Variants in CNTN1 observed in about 807,000 individuals in gnomAD.
The protein encoded by CNTN1 is contactin-1.
CNTN1 carries 38 observed loss-of-function variants against 126.4 expected under a neutral mutation model. The observed-to-expected ratio is 0.30, with a 90% CI of 0.23 to 0.39. CNTN1 has a LOEUF of 0.39. CNTN1 is among the 10% of genes least tolerant of loss of function. The probability of loss-of-function intolerance (pLI) is 1.00; values close to 1 mark genes in which losing one functional copy is unlikely to be tolerated. For missense variants in CNTN1, 1,009 were observed against 1,248.4 expected (o/e 0.81, Z 2.89); for synonymous variants, 413 against 422.6 (o/e 0.98, Z 0.28).
intron 1 of CNTN1, among the ~76,000 whole-genome samples, chr12:40,765,548 A>G (rs1939049110): frequency 6.6e-6 from 1 of 152,212 alleles, no homozygotes; most frequent in Non-Finnish European, 1.5e-5. Context: ...TGAGAGGAAA[A>G]TAATAAGTTT....
At chr12:41,050,056 G>A (rs1250258746) in intron 23 of CNTN1, among the ~76,000 whole-genome samples, 2 of 151,840 alleles carry the variant, frequency 1.3e-5, no homozygotes, top group East Asian at 1.9e-4. Context: ...CATGCCACTA[G>A]GCCCAGCTAA....
intron 1 of CNTN1, among the ~76,000 whole-genome samples, chr12:40,868,450 C>A (rs1368546472): frequency 6.6e-6 from 1 of 152,014 alleles, no homozygotes; most frequent in African/African-American, 2.4e-5. Flanking sequence ...TGAATCTGAA[C>A]CCAGAATGCC....
intron 6 of CNTN1, among the ~76,000 whole-genome samples, chr12:40,925,812 A>ATATATATATATATATG: frequency 1.2e-5 from 1 of 80,400 alleles, no homozygotes; most frequent in African/African-American, 7.1e-5. Context: ...ATATATATAT[A>ATATATATATATATATG]TATATATATA....
chr12:40,748,045 T>C (rs17128728), intron 1 of CNTN1, among the ~76,000 whole-genome samples: 2,967 of 152,242 alleles, frequency 0.019, 32 homozygotes, highest in African/African-American at 0.032. Flanking sequence ...GGCAGTCGTA[T>C]TAAATGCAAA....
At chr12:40,980,424 G>C (rs1947790934) in intron 15 of CNTN1, among the ~76,000 whole-genome samples, 1 of 149,052 alleles carries the variant, frequency 6.7e-6, no homozygotes, top group Non-Finnish European at 1.5e-5. Context: ...ACTCCAGCCT[G>C]GGTGACAGAG....
Position 40,933,448 on chromosome 12 carries a change from C to T in CNTN1, c.704-13C>T. On this transcript the variant is annotated splice_polypyrimidine_tract_variant and intron_variant, in intron 7 of 23. Coordinates refer to ENST00000551295, the MANE Select transcript of CNTN1 (RefSeq NM_001843.4). Reference sequence around the variant, plus strand: ...TAATAATTAGTGGATATTTGTGTTTCTCTTAATATTAGGAACAACAAAACC... The same window carrying T: ...TAATAATTAGTGGATATTTGTGTTTTTCTTAATATTAGGAACAACAAAACC... 5 of 1,532,144 alleles carry T rather than the reference C, an allele frequency of 3.3e-6. No homozygotes were observed. The highest frequency in any genetic ancestry group is 4.5e-6 in the Non-Finnish European group (5 of 1,105,962). 94.9% of individuals were successfully genotyped at this position (1,532,144 alleles called of 1,614,324 possible). A position where few individuals can be genotyped will look rare whatever the true frequency, so the allele number is the denominator to read the frequency against.
At chr12:40,731,554 T>C (rs1279732774) in intron 1 of CNTN1, among the ~76,000 whole-genome samples, 1 of 152,028 alleles carries the variant, frequency 6.6e-6, no homozygotes, top group Non-Finnish European at 1.5e-5. Flanking sequence ...TTAGATATTT[T>C]GCTCGCAGGG....
chr12:40,901,781 T>A (rs1316465872), intron 1 of CNTN1, among the ~76,000 whole-genome samples: 5 of 152,222 alleles, frequency 3.3e-5, no homozygotes, highest in African/African-American at 4.8e-5. Flanking sequence ...TCCTTGTGTG[T>A]GTACTGTATT....
At chr12:40,834,344 A>G (rs766448172) in intron 1 of CNTN1, among the ~76,000 whole-genome samples, 8 of 152,196 alleles carry the variant, frequency 5.3e-5, no homozygotes, top group African/African-American at 1.4e-4. Flanking sequence ...ATTATAAGTT[A>G]TTACTGTAAT....
intron 23 of CNTN1, among the ~76,000 whole-genome samples, chr12:41,037,755 T>C (rs961482193): frequency 5.9e-5 from 9 of 152,054 alleles, no homozygotes; most frequent in African/African-American, 1.9e-4. Flanking sequence ...CAGTGTTGCC[T>C]CTGTGGAGTG....
intron 1 of CNTN1, chr12:40,763,213 C>T (rs572347361): frequency 6.6e-6 from 1 of 152,282 alleles, no homozygotes; most frequent in South Asian, 2.1e-4. Context: ...GCCAAATAAA[C>T]TCCTTCTCTT....
At chr12:41,000,462 G>A (rs1322126535) in intron 17 of CNTN1, among the ~76,000 whole-genome samples, 1 of 151,924 alleles carries the variant, frequency 6.6e-6, no homozygotes, top group Non-Finnish European at 1.5e-5. Flanking sequence ...TAATACTCCA[G>A]CTCTTAATAT....
intron 23 of CNTN1, among the ~76,000 whole-genome samples, chr12:41,047,124 A>G (rs1949558969): frequency 6.6e-6 from 1 of 151,376 alleles, no homozygotes; most frequent in Admixed American, 6.6e-5. Flanking sequence ...CATCCCCAAC[A>G]TTCACCCTCT....
intron 1 of CNTN1, among the ~76,000 whole-genome samples, chr12:40,829,477 T>TG (rs2136544900): frequency 6.6e-6 from 1 of 151,966 alleles, no homozygotes; most frequent in African/African-American, 2.4e-5. Context: ...AAGTATGTTT[T>TG]GGGAAAAAAA....
chr12:40,897,320 T>G (rs1944446203), intron 1 of CNTN1, among the ~76,000 whole-genome samples: 1 of 152,276 alleles, frequency 6.6e-6, no homozygotes, highest in East Asian at 1.9e-4. Flanking sequence ...AAAAGGTAGA[T>G]CCATCAAGTT....
intron 1 of CNTN1, among the ~76,000 whole-genome samples, chr12:40,794,217 G>C (rs73112672): frequency 0.013 from 2,045 of 152,162 alleles, 39 homozygotes; most frequent in African/African-American, 0.045. Context: ...CATTATTTTT[G>C]TATTGCTGAA....
chr12:40,914,094 C>T (rs11179021), intron 3 of CNTN1, among the ~76,000 whole-genome samples: 40,673 of 151,976 alleles, frequency 0.27, 5,661 homozygotes, highest in Middle Eastern at 0.35. Context: ...AAAACACAAT[C>T]TCTATCTGTG....
chr12:40,802,872 G>C (rs1350844455), intron 1 of CNTN1, among the ~76,000 whole-genome samples: 1 of 152,032 alleles, frequency 6.6e-6, no homozygotes, highest in Non-Finnish European at 1.5e-5. Flanking sequence ...CTGTTGCCAT[G>C]AACTTTGCTC....
chr12:40,765,834 A>T (rs1939063236), intron 1 of CNTN1, among the ~76,000 whole-genome samples: 1 of 152,218 alleles, frequency 6.6e-6, no homozygotes, highest in East Asian at 1.9e-4. Flanking sequence ...GTCACTGGGG[A>T]CACAAAGATA....
Sources: allele counts gnomAD v4.1 joint callset (sites outside exome capture counted in the v4.1 genomes callset), GRCh38; gene constraint gnomAD v4.1.1; transcripts MANE v1.5; gene names NCBI Gene and HGNC (gene_info 2026-07-23, HGNC 2026-07-21).